ATXN7: variants seen among roughly 807,000 people sequenced by gnomAD.
ATXN7 encodes the protein ataxin 7, also known as ataxin-7.
A neutral mutation model predicts 70.5 loss-of-function variants in ATXN7; 12 were observed. The observed-to-expected ratio is 0.17, with a 90% CI of 0.11 to 0.28. ATXN7 has a LOEUF of 0.28. Among genes scored for constraint, ATXN7 ranks in the 10% least tolerant of loss-of-function variants. The probability of loss-of-function intolerance (pLI) is 1.00; values close to 1 mark genes in which losing one functional copy is unlikely to be tolerated. For synonymous variants in ATXN7, 498 were observed against 448.7 expected (o/e 1.11, Z -1.39); for missense variants, 1,256 against 1,131.7 (o/e 1.11, Z -1.58).
chr3:63,863,694 G>A (rs897580551), upstream of ATXN7: 4 of 1,240,804 alleles, frequency 3.2e-6, no homozygotes, highest in African/African-American at 4.7e-5. Context: ...TCCCGGAAGC[G>A]GGCCGGGAGG....
rs143355604 is a variant in ATXN7 at position 63,920,459 on chromosome 3, A to C, written c.394+7234A>C. ...GATCTGTCTAATTACTCCACAGCTC[A>C]CATGCTTAACCATTCTGCTGTTCCG... On this transcript the variant is annotated intron_variant, in intron 4 of 12. Transcript: ENST00000674280. Among the ~76,000 whole-genome samples, 438 of 152,308 alleles carry C rather than the reference A, an allele frequency of 2.9e-3. 1 individual carries two copies. Among genetic ancestry groups the C allele is most frequent in the African/African-American group, 0.01 (418 of 41,568 alleles).
chr3:63,987,698 G>C (rs2075600432), intron 8 of ATXN7, among the ~76,000 whole-genome samples: 1 of 151,962 alleles, frequency 6.6e-6, no homozygotes, highest in South Asian at 2.1e-4. Context: ...TTTTCTAATG[G>C]AGTCAATAAG....
At chr3:63,903,816 G>T (rs935783305) in intron 2 of ATXN7, 1 of 152,212 alleles carries the variant, frequency 6.6e-6, no homozygotes, top group Non-Finnish European at 1.5e-5. Context: ...TTCCTATGAG[G>T]AATGCTGTGG....
intron 1 of ATXN7, among the ~76,000 whole-genome samples, chr3:63,893,159 A>G (rs1703337536): frequency 6.6e-6 from 1 of 152,172 alleles, no homozygotes; most frequent in Non-Finnish European, 1.5e-5. Context: ...CTTACTTTTT[A>G]TTACTGGGCG....
chr3:64,002,035 C>G lies in ATXN7; in HGVS notation c.*2568C>G, dbSNP rs2075838399. 1 of 149,134 alleles carries G rather than the reference C, an allele frequency of 6.7e-6. No individual in the cohort carries two copies. Among genetic ancestry groups the G allele is most frequent in the Admixed American group, 6.7e-5 (1 of 14,950 alleles). 9.2% of individuals were successfully genotyped at this position (149,134 alleles called of 1,614,324 possible). On this transcript the variant is annotated 3_prime_UTR_variant, in exon 13 of 13. Transcript: ENST00000674280. ...AAAAAAAAAGTGCTGCAATGATGAA[C>G]AAAGAATTATACAAAACCTACTTTT...
intron 8 of ATXN7, 122 bp from the exon 9 acceptor site, chr3:63,987,937 G>A: frequency 3.3e-6 from 4 of 1,216,158 alleles, no homozygotes; most frequent in Non-Finnish European, 4.6e-6. Context: ...CAAATGCTGA[G>A]TAGCCTTTCA....
intron 2 of ATXN7, among the ~76,000 whole-genome samples, chr3:63,910,059 C>T (rs528825157): frequency 6.6e-6 from 1 of 152,200 alleles, no homozygotes; most frequent in African/African-American, 2.4e-5. Context: ...TTTAAGCCCG[C>T]TTGTGTTTTA....
chr3:63,990,588 T>A, intron 10 of ATXN7, 150 bp from the exon 11 acceptor site: 15 of 1,315,740 alleles, frequency 1.1e-5, no homozygotes, highest in Non-Finnish European at 1.6e-5. Context: ...CGCTCAGGGC[T>A]AGGCATTGTC....
intron 1 of ATXN7, among the ~76,000 whole-genome samples, chr3:63,890,789 AGCTCAGAGTGTGTTGGCAAGGAG>A (rs1026773637): frequency 3.3e-5 from 5 of 152,112 alleles, no homozygotes; most frequent in African/African-American, 1.2e-4. Context: ...TTCTTGTTTA[AGCTCAGAGTGTGTTGGCAAGGAG>A]GCTCAGAGTG....
intron 5 of ATXN7, among the ~76,000 whole-genome samples, chr3:63,970,448 C>T (rs558588568): frequency 1.3e-5 from 2 of 152,272 alleles, no homozygotes; most frequent in Admixed American, 1.3e-4. Flanking sequence ...AGGTGATCAA[C>T]TGTTGTGACA....
At chr3:63,956,300 G>C (rs540442462) in intron 5 of ATXN7, among the ~76,000 whole-genome samples, 1 of 151,760 alleles carries the variant, frequency 6.6e-6, no homozygotes, top group Non-Finnish European at 1.5e-5. Flanking sequence ...GCGTGGTGGC[G>C]TGCGCTCCCA....
At chr3:63,898,627 T>C (rs1703518277) in intron 2 of ATXN7, 130 bp downstream of exon 2, 6 of 152,242 alleles carry the variant, frequency 3.9e-5, no homozygotes, top group Non-Finnish European at 1.5e-5. Context: ...AAATGTTAAA[T>C]GTAATCCTGA....
rs1201416885 is a variant in ATXN7, at chr3:63,946,642, C to CAA, written c.395-5721_395-5720dup. 8.3e-3 allele frequency among the ~76,000 whole-genome samples: 623 copies of CAA among 75,424 alleles called. 4 individuals carry two copies. The highest frequency in any genetic ancestry group is 0.026 in the African/African-American group (526 of 20,226). 49.5% of individuals were successfully genotyped at this position (75,424 alleles called of 152,430 possible). The stretch of plus-strand genomic sequence containing the variant: ...TGGGCGACAGAGCGAGACTCTGTCT[C>CAA]AAAAAAAAAAAAAAAAAGGAATTTT... On this transcript the variant is annotated intron_variant, in intron 4 of 12. Coordinates refer to ENST00000674280, the MANE Select transcript of ATXN7 (RefSeq NM_001377405.1).
At chr3:63,866,554 C>T (rs1197087356) in intron 1 of ATXN7, among the ~76,000 whole-genome samples, 1 of 152,158 alleles carries the variant, frequency 6.6e-6, no homozygotes, top group African/African-American at 2.4e-5. Flanking sequence ...CTGTGTCCAG[C>T]CTGAAAGTTC....
intron 5 of ATXN7, among the ~76,000 whole-genome samples, chr3:63,963,587 A>G (rs2075167011): frequency 6.6e-6 from 1 of 152,206 alleles, no homozygotes; most frequent in Non-Finnish European, 1.5e-5. Flanking sequence ...GCTTTTGGTG[A>G]TAGTTTTACA....
At chr3:63,893,524 G>A (rs1479898699) in intron 1 of ATXN7, among the ~76,000 whole-genome samples, 1 of 152,198 alleles carries the variant, frequency 6.6e-6, no homozygotes, top group African/African-American at 2.4e-5. Flanking sequence ...CAGAGGGACT[G>A]AACATTGTGT....
Position 63,986,956 on chromosome 3 carries a change from A to T in ATXN7, c.1096-1103A>T, listed in dbSNP as rs550574395. ...TGGGTGAATTCATTTATGTTTATGG[A>T]TATGTGATTAGGGGCCACTGTAGCT... On this transcript the variant is annotated intron_variant, in intron 8 of 12. Transcript: ENST00000674280. Among the ~76,000 whole-genome samples, 23 of 152,252 alleles carry T rather than the reference A, an allele frequency of 1.5e-4. No homozygotes were observed. The East Asian group carries it at 3.9e-3, about 26-fold the overall frequency.
intron 1 of ATXN7, among the ~76,000 whole-genome samples, chr3:63,878,241 C>G (rs1363628107): frequency 2.0e-5 from 3 of 152,190 alleles, no homozygotes; most frequent in African/African-American, 7.2e-5. Flanking sequence ...TGTGAAAATA[C>G]AAAGCTGACT....
chr3:63,971,595 C>T (rs890299036), intron 5 of ATXN7, among the ~76,000 whole-genome samples: 6 of 151,996 alleles, frequency 3.9e-5, no homozygotes, highest in South Asian at 2.1e-4. Context: ...ATTAAATGCT[C>T]GATGTTCATG....
Sources: gnomAD v4.1 joint callset for allele counts (sites outside exome capture counted in the v4.1 genomes callset) on GRCh38, gnomAD v4.1.1 for gene constraint, MANE v1.5 for transcripts, NCBI Gene and HGNC (gene_info 2026-07-23, HGNC 2026-07-21) for gene names.